The following NBEA variants were observed in gnomAD, a reference collection of about 807,000 sequenced individuals.
NBEA encodes the protein neurobeachin.
A neutral mutation model predicts 343.4 loss-of-function variants in NBEA; 44 were observed. That is an observed-to-expected ratio of 0.13 (90% confidence interval 0.10 to 0.16). The LOEUF is 0.16. Among genes scored for constraint, NBEA ranks in the 10% least tolerant of loss-of-function variants. The probability of loss-of-function intolerance (pLI) is 1.00; values close to 1 mark genes in which losing one functional copy is unlikely to be tolerated. For missense variants in NBEA, 2,555 were observed against 3,631.3 expected (o/e 0.70, Z 7.62); for synonymous variants, 1,175 against 1,238.7 (o/e 0.95, Z 1.08).
At chr13:35,440,894 G>A (rs1220521605) in intron 39 of NBEA, among the ~76,000 whole-genome samples, 2 of 152,124 alleles carry the variant, frequency 1.3e-5, no homozygotes, top group South Asian at 4.1e-4. Context: ...AAGTTTACCT[G>A]CTAATATTTG....
At chr13:35,356,069 G>T (rs1382059380) in intron 38 of NBEA, among the ~76,000 whole-genome samples, 1 of 151,924 alleles carries the variant, frequency 6.6e-6, no homozygotes, top group Non-Finnish European at 1.5e-5. Flanking sequence ...TGCATAGTAG[G>T]TACCAAAAAA....
At chr13:35,419,481 T>C (rs902760694) in intron 38 of NBEA, among the ~76,000 whole-genome samples, 2 of 152,060 alleles carry the variant, frequency 1.3e-5, no homozygotes, top group African/African-American at 4.8e-5. Context: ...TTTCAACATA[T>C]GAATTTTGGA....
rs180720030 is a variant in NBEA, at chr13:35,597,279, A to G, written c.7296+3832A>G. 3.8e-3 allele frequency among the ~76,000 whole-genome samples: 585 copies of G among 152,314 alleles called. 3 individuals are homozygous for G. Among genetic ancestry groups the G allele is most frequent in the Non-Finnish European group, 4.3e-3 (290 of 68,022 alleles). ...CTAAAATAAACTAGAAATCACATTT[A>G]TAGACACAAAATGTCTGCTATAATG... On this transcript the variant is annotated intron_variant, in intron 47 of 58. Coordinates refer to ENST00000379939, the MANE Select transcript of NBEA (RefSeq NM_001385012.1).
intron 36 of NBEA, among the ~76,000 whole-genome samples, chr13:35,332,397 A>AT (rs2038979435): frequency 6.6e-6 from 1 of 152,104 alleles, no homozygotes; most frequent in East Asian, 1.9e-4. Context: ...TTGTTCAAGG[A>AT]TATAGAATAA....
intron 41 of NBEA, among the ~76,000 whole-genome samples, chr13:35,546,555 AT>A (rs558048686): frequency 0.04 from 5,799 of 143,560 alleles, 299 homozygotes; most frequent in African/African-American, 0.13. Flanking sequence ...ATTATTATTA[AT>A]TTTTTTTTTT....
chr13:35,326,656 A>G (rs1479080789), intron 36 of NBEA, among the ~76,000 whole-genome samples: 2 of 152,000 alleles, frequency 1.3e-5, no homozygotes, highest in Non-Finnish European at 2.9e-5. Context: ...TGCTCTGGCT[A>G]CAACTTCCAG....
chr13:35,191,973 A>G (rs935739470), intron 30 of NBEA, among the ~76,000 whole-genome samples: 1 of 152,028 alleles, frequency 6.6e-6, no homozygotes, highest in African/African-American at 2.4e-5. Context: ...AATGTATTAG[A>G]TGAACTCATT....
intron 41 of NBEA, among the ~76,000 whole-genome samples, chr13:35,491,048 T>G (rs1000291244): frequency 5.3e-5 from 8 of 151,986 alleles, no homozygotes; most frequent in Non-Finnish European, 7.4e-5. Context: ...TTAAAAAGAA[T>G]ATTTTTAAAC....
intron 34 of NBEA, among the ~76,000 whole-genome samples, chr13:35,274,114 A>G (rs987269024): frequency 6.6e-6 from 1 of 152,220 alleles, no homozygotes; most frequent in African/African-American, 2.4e-5. Context: ...AAAATTCTCA[A>G]TAAAATACTG....
At chr13:35,381,033 A>G (rs997411738) in intron 38 of NBEA, among the ~76,000 whole-genome samples, 3 of 152,092 alleles carry the variant, frequency 2.0e-5, no homozygotes. Flanking sequence ...CATAATTGCC[A>G]TATGATTTTT....
At chr13:35,388,820 T>G (rs2152897782) in intron 38 of NBEA, among the ~76,000 whole-genome samples, 1 of 152,304 alleles carries the variant, frequency 6.6e-6, no homozygotes, top group African/African-American at 2.4e-5. Context: ...AGGCATTATA[T>G]TTTATATTTT....
At chr13:35,612,142 T>G (rs1271884208) in intron 48 of NBEA, among the ~76,000 whole-genome samples, 1 of 151,316 alleles carries the variant, frequency 6.6e-6, no homozygotes, top group Non-Finnish European at 1.5e-5. Context: ...TTTTTTTTCT[T>G]TTTTTTTTGA....
At chr13:35,664,287 G>A (rs1479160308) in intron 55 of NBEA, among the ~76,000 whole-genome samples, 3 of 152,152 alleles carry the variant, frequency 2.0e-5, no homozygotes, top group African/African-American at 7.2e-5. Flanking sequence ...GGAAAGAGGG[G>A]CACCAAGACC....
In NBEA at chr13:35,177,061, T is replaced by C; in HGVS notation, c.4620T>C (p.Asp1540=). ...PIKDPDRLLQ[D]VDINRLRAVV... The stretch of plus-strand genomic sequence containing the variant: ...AGGATCCGGATAGACTTCTTCAGGA[T>C]GTTGATATCAATCGCCTTCGTGCTG... Residue 1540 remains aspartate, a synonymous_variant, in exon 28 of 59, where the codon GAT becomes GAC. Coordinates refer to ENST00000379939, the MANE Select transcript of NBEA (RefSeq NM_001385012.1). The C allele has an allele frequency of 6.2e-7, 1 of 1,605,646 alleles. No homozygotes were observed. The highest frequency in any genetic ancestry group is 8.5e-7 in the Non-Finnish European group (1 of 1,175,316).
chr13:35,642,880 T>C (rs991414831), intron 49 of NBEA, among the ~76,000 whole-genome samples: 1 of 151,778 alleles, frequency 6.6e-6, no homozygotes, highest in Non-Finnish European at 1.5e-5. Context: ...AATCTTTATC[T>C]GTTTCATTTT....
At chr13:35,268,667 T>A (rs1258059822) in intron 34 of NBEA, among the ~76,000 whole-genome samples, 2 of 152,096 alleles carry the variant, frequency 1.3e-5, no homozygotes, top group Non-Finnish European at 2.9e-5. Flanking sequence ...ATCTGTAATC[T>A]TGCCTCTGAA....
intron 56 of NBEA, among the ~76,000 whole-genome samples, chr13:35,666,267 G>A (rs2085349043): frequency 1.3e-5 from 2 of 151,992 alleles, no homozygotes; most frequent in Non-Finnish European, 2.9e-5. Flanking sequence ...TACGGAGAAT[G>A]GATAGAGTCT....
intron 41 of NBEA, among the ~76,000 whole-genome samples, chr13:35,541,587 T>G (rs1427701879): frequency 6.6e-6 from 1 of 152,092 alleles, no homozygotes; most frequent in Non-Finnish European, 1.5e-5. Flanking sequence ...ATTCCAATAA[T>G]GTCTAGGATA....
chr13:35,475,858 A>T (rs144407320), intron 41 of NBEA: 2 of 1,614,108 alleles, frequency 1.2e-6, no homozygotes, highest in African/African-American at 1.3e-5. Flanking sequence ...GCAGCCGGGC[A>T]GTGAGCCATC....
Sources: gnomAD v4.1 joint callset for allele counts (sites outside exome capture counted in the v4.1 genomes callset) on GRCh38, gnomAD v4.1.1 for gene constraint, MANE v1.5 for transcripts, NCBI Gene and HGNC (gene_info 2026-07-23, HGNC 2026-07-21) for gene names.